The following PPP1R12B variants were observed in gnomAD, a reference collection of about 807,000 sequenced individuals.
PPP1R12B encodes protein phosphatase 1 regulatory subunit 12B, also known as myosin phosphatase target subunit 2.
Under a neutral mutation model 126.1 loss-of-function variants are expected in PPP1R12B, and 76 were observed. The observed-to-expected ratio is 0.60, with a 90% CI of 0.50 to 0.73. PPP1R12B has a LOEUF of 0.73. Ranked by LOEUF, PPP1R12B falls within the 30% of genes least tolerant of loss-of-function variation. PPP1R12B has a pLI of 0.00. For missense variants in PPP1R12B, 1,052 were observed against 1,205.1 expected (o/e 0.87, Z 1.88); for synonymous variants, 356 against 434.7 (o/e 0.82, Z 2.25).
chr1:202,506,077 C>T (rs1028764405), intron 18 of PPP1R12B, among the ~76,000 whole-genome samples: 3 of 152,136 alleles, frequency 2.0e-5, no homozygotes, highest in Admixed American at 6.5e-5. Flanking sequence ...CAATTGATGA[C>T]GATGCGCAGT....
At chr1:202,461,918 T>G (rs567357830) in intron 13 of PPP1R12B, among the ~76,000 whole-genome samples, 2 of 152,284 alleles carry the variant, frequency 1.3e-5, no homozygotes, top group South Asian at 4.1e-4. Context: ...GCAGGAAAGT[T>G]TGAGCCTGGG....
At chr1:202,416,700 G>A (rs1668116979) in intron 1 of PPP1R12B, 87 bp from the exon 2 acceptor site, 4 of 1,162,492 alleles carry the variant, frequency 3.4e-6, no homozygotes, top group Non-Finnish European at 5.0e-6. Flanking sequence ...AGAACTGCTG[G>A]GCATTGTCAG....
chr1:202,509,917 G>A (rs1681240850), intron 18 of PPP1R12B, among the ~76,000 whole-genome samples: 1 of 152,152 alleles, frequency 6.6e-6, no homozygotes. Context: ...GATGAAAACT[G>A]ACATTAATAT....
intron 12 of PPP1R12B, chr1:202,444,960 G>C (rs373393500): frequency 7.2e-6 from 8 of 1,115,508 alleles, no homozygotes; most frequent in Non-Finnish European, 9.2e-6. Flanking sequence ...TTCATTTCAA[G>C]TGCACAATCT....
chr1:202,405,903 A>T (rs1026476531), intron 1 of PPP1R12B, among the ~76,000 whole-genome samples: 1 of 152,230 alleles, frequency 6.6e-6, no homozygotes, highest in African/African-American at 2.4e-5. Context: ...CTTGATGAAA[A>T]TATGCTGGGA....
At chr1:202,535,069 G>A (rs940811304) in intron 18 of PPP1R12B, among the ~76,000 whole-genome samples, 1 of 151,978 alleles carries the variant, frequency 6.6e-6, no homozygotes, top group Non-Finnish European at 1.5e-5. Context: ...GTGTGTGTGT[G>A]TGTGTGTGTG....
At chr1:202,443,490 G>A (rs577602338) in intron 12 of PPP1R12B, among the ~76,000 whole-genome samples, 22 of 152,206 alleles carry the variant, frequency 1.4e-4, no homozygotes, top group Non-Finnish European at 2.9e-4. Flanking sequence ...GTTGAAACAT[G>A]GGAAATAGCT....
At chr1:202,498,393 A>T (rs1679825988) in intron 18 of PPP1R12B, among the ~76,000 whole-genome samples, 1 of 152,256 alleles carries the variant, frequency 6.6e-6, no homozygotes, top group African/African-American at 2.4e-5. Flanking sequence ...ATTTGAATTT[A>T]TGCAGATAAG....
At chr1:202,469,114 C>T (rs1393427026) in intron 13 of PPP1R12B, among the ~76,000 whole-genome samples, 6 of 152,122 alleles carry the variant, frequency 3.9e-5, no homozygotes, top group Non-Finnish European at 5.9e-5. Context: ...AACCTTAATT[C>T]AGTTCAATAA....
chr1:202,491,081 G>C (rs1461912598), intron 14 of PPP1R12B, among the ~76,000 whole-genome samples: 1 of 152,116 alleles, frequency 6.6e-6, no homozygotes, highest in Non-Finnish European at 1.5e-5. Flanking sequence ...CCCATCAGCA[G>C]TGCACAAGGG....
intron 21 of PPP1R12B, among the ~76,000 whole-genome samples, chr1:202,566,816 A>C (rs1237384905): frequency 6.6e-6 from 1 of 152,146 alleles, no homozygotes; most frequent in Non-Finnish European, 1.5e-5. Flanking sequence ...TTTTTTTTAA[A>C]AAAAGAAACT....
chr1:202,509,818 G>GTGCT (rs1202070548), intron 18 of PPP1R12B, among the ~76,000 whole-genome samples: 1 of 152,158 alleles, frequency 6.6e-6, no homozygotes, highest in African/African-American at 2.4e-5. Context: ...TGATGACCCT[G>GTGCT]TGCTTGCTTG....
chr1:202,511,812 T>G (rs1262556375), intron 18 of PPP1R12B, among the ~76,000 whole-genome samples: 1 of 149,404 alleles, frequency 6.7e-6, no homozygotes, highest in African/African-American at 2.5e-5. Flanking sequence ...GTTTCGCTCT[T>G]GTTGGCCAGG....
rs1006345208 is a variant in PPP1R12B, at chr1:202,587,015, C to T, written c.*6455C>T. 1.3e-5 allele frequency: 2 copies of T among 152,034 alleles called. No homozygotes were observed. The highest frequency in any genetic ancestry group is 2.4e-5 in the African/African-American group (1 of 41,392). The allele number at this position is 152,034 out of a possible 1,614,324, so 9.4% of individuals were successfully genotyped here. A position where few individuals can be genotyped will look rare whatever the true frequency, so the allele number is the denominator to read the frequency against. Reference sequence around the variant, plus strand: ...TTAAATCATATCTTTTGTTTTTCCCCCTCCCTTCTAATCCCCCAAAGGACC... The same window carrying T: ...TTAAATCATATCTTTTGTTTTTCCCTCTCCCTTCTAATCCCCCAAAGGACC... On this transcript the variant is annotated 3_prime_UTR_variant, in exon 24 of 24. Coordinates refer to ENST00000608999, the MANE Select transcript of PPP1R12B (RefSeq NM_002481.4).
chr1:202,481,193 C>T (rs1443000448), intron 13 of PPP1R12B, among the ~76,000 whole-genome samples: 3 of 152,202 alleles, frequency 2.0e-5, no homozygotes, highest in Non-Finnish European at 4.4e-5. Context: ...TGCTGTACAG[C>T]GTGGTTCCTA....
chr1:202,426,387 G>A (rs909079057), intron 4 of PPP1R12B, among the ~76,000 whole-genome samples: 33 of 152,068 alleles, frequency 2.2e-4, no homozygotes, highest in African/African-American at 7.2e-4. Context: ...GCCTGATAGC[G>A]CTATCCATAA....
intron 21 of PPP1R12B, 89 bp from the exon 22 acceptor site, chr1:202,567,689 A>G: frequency 7.4e-7 from 1 of 1,360,106 alleles, no homozygotes; most frequent in Non-Finnish European, 1.0e-6. Context: ...TTATTTCTAG[A>G]TGTCTAGTAG....
chr1:202,523,251 T>C (rs1424228296), intron 18 of PPP1R12B, among the ~76,000 whole-genome samples: 2 of 152,068 alleles, frequency 1.3e-5, no homozygotes, highest in Admixed American at 6.6e-5. Flanking sequence ...GGGAGTAAGA[T>C]GAAAAGGCAG....
chr1:202,561,449 G>C (rs1482935839), intron 19 of PPP1R12B, among the ~76,000 whole-genome samples: 4 of 151,796 alleles, frequency 2.6e-5, no homozygotes, highest in Non-Finnish European at 4.4e-5. Context: ...CACGGTCATA[G>C]TGGTAAGTAT....
Sources: gnomAD v4.1 joint callset for allele counts (sites outside exome capture counted in the v4.1 genomes callset) on GRCh38, gnomAD v4.1.1 for gene constraint, MANE v1.5 for transcripts, NCBI Gene and HGNC (gene_info 2026-07-23, HGNC 2026-07-21) for gene names.